JAM3: variants seen among roughly 807,000 people sequenced by gnomAD.
The protein encoded by JAM3 is junctional adhesion molecule C.
JAM3 carries 31 observed loss-of-function variants against 39.4 expected under a neutral mutation model. That is an observed-to-expected ratio of 0.79 (90% confidence interval 0.59 to 1.06). The LOEUF (loss-of-function observed/expected upper bound fraction) is 1.06, where lower values mean the gene tolerates loss of function less well. JAM3 is among the 50% of genes least tolerant of loss of function. The probability of loss-of-function intolerance (pLI) is 0.00; values close to 1 mark genes in which losing one functional copy is unlikely to be tolerated. For synonymous variants in JAM3, 182 were observed against 148.7 expected, an observed-to-expected ratio of 1.22 and a Z score of -1.63; for missense variants, 455 against 391.4, an observed-to-expected ratio of 1.16 and a Z score of -1.37.
intron 1 of JAM3, among the ~76,000 whole-genome samples, chr11:134,082,071 A>T (rs905281942): frequency 1.3e-5 from 2 of 151,266 alleles, no homozygotes; most frequent in East Asian, 3.9e-4. Flanking sequence ...ATTTCTCCCA[A>T]TCATTTTGGA....
chr11:134,095,421 G>T (rs1474490467), intron 1 of JAM3, among the ~76,000 whole-genome samples: 1 of 151,816 alleles, frequency 6.6e-6, no homozygotes, highest in Non-Finnish European at 1.5e-5. Context: ...CACGAGGTCA[G>T]GAGATCGAGA....
intron 3 of JAM3, among the ~76,000 whole-genome samples, chr11:134,143,041 ATGC>A (rs1943004537): frequency 6.6e-6 from 1 of 152,150 alleles, no homozygotes; most frequent in South Asian, 2.1e-4. Flanking sequence ...ATTATCAGTA[ATGC>A]TGCTATCAGT....
chr11:134,128,133 G>A (rs943633155), intron 1 of JAM3, among the ~76,000 whole-genome samples: 1 of 152,182 alleles, frequency 6.6e-6, no homozygotes, highest in African/African-American at 2.4e-5. Flanking sequence ...GCCTTGGCCT[G>A]AAACTGAGCT....
chr11:134,110,276 T>A lies in JAM3; in HGVS notation c.77-29575T>A, dbSNP rs543425605. On this transcript the variant is annotated intron_variant, in intron 1 of 8. Coordinates refer to ENST00000299106, the MANE Select transcript of JAM3 (RefSeq NM_032801.5). Reference sequence around the variant, plus strand: ...GTGATTAAAAATGAAAAGATAGACCTATTATTTGATTCAGTTATTATACTC... The same window carrying A: ...GTGATTAAAAATGAAAAGATAGACCAATTATTTGATTCAGTTATTATACTC... 3.3e-5 allele frequency among the ~76,000 whole-genome samples: 5 copies of A among 152,320 alleles called. No homozygotes were observed. The East Asian group carries it at 9.6e-4, about 29-fold the overall frequency.
chr11:134,146,798 C>A (rs1021542098), intron 6 of JAM3, among the ~76,000 whole-genome samples: 1 of 152,176 alleles, frequency 6.6e-6, no homozygotes, highest in Admixed American at 6.5e-5. Flanking sequence ...CTCCTGGCCT[C>A]AAGCAATCCT....
chr11:134,140,079 G>A (rs560712034), intron 2 of JAM3, among the ~76,000 whole-genome samples, 163 bp downstream of exon 2: 4 of 152,354 alleles, frequency 2.6e-5, no homozygotes, highest in African/African-American at 4.8e-5. Flanking sequence ...TCAGCAGGCC[G>A]GCAGTGAGCC....
chr11:134,126,232 A>C (rs1942646375), intron 1 of JAM3: 1 of 152,202 alleles, frequency 6.6e-6, no homozygotes, highest in South Asian at 2.1e-4. Context: ...TAAAACTTAG[A>C]AATTGATCCC....
intron 5 of JAM3, 165 bp downstream of exon 5, chr11:134,145,159 A>T: frequency 2.9e-6 from 2 of 680,358 alleles, no homozygotes; most frequent in Non-Finnish European, 5.3e-6. Context: ...TCTTCCTTTT[A>T]TAAACAAGTA....
At chr11:134,141,362 T>C (rs1261359262) in intron 3 of JAM3, among the ~76,000 whole-genome samples, 2 of 151,900 alleles carry the variant, frequency 1.3e-5, no homozygotes, top group Non-Finnish European at 2.9e-5. Context: ...GAATGCTGTG[T>C]ATGAAGACGC....
chr11:134,122,339 C>G (rs775973582), intron 1 of JAM3, among the ~76,000 whole-genome samples: 1 of 152,178 alleles, frequency 6.6e-6, no homozygotes, highest in South Asian at 2.1e-4. Flanking sequence ...CAGGGCACTA[C>G]TGAGAATGTA....
At position 134,148,655 on chromosome 11, in the gene JAM3, A is replaced by G; in HGVS notation, c.821A>G (p.Asn274Ser). The G allele has an allele frequency of 6.2e-7, 1 of 1,614,184 alleles. No homozygotes were observed. The highest frequency in any genetic ancestry group is 2.2e-5 in the East Asian group (1 of 44,874). The part of the protein sequence containing the change: ...CCAYRRGYFI[N>S]NKQDGESYKN... Reference sequence around the variant, plus strand: ...GCATACAGACGTGGCTACTTCATCAACAATAAACAGGATGGAGAAAGGTGA... The same window carrying G: ...GCATACAGACGTGGCTACTTCATCAGCAATAAACAGGATGGAGAAAGGTGA... The change falls in exon 7 of 9, where the codon AAC (asparagine) becomes AGC (serine). Residue 274 changes from asparagine to serine, a missense_variant. Coordinates refer to ENST00000299106, the MANE Select transcript of JAM3 (RefSeq NM_032801.5).
chr11:134,105,361 A>G (rs1472065182), intron 1 of JAM3, among the ~76,000 whole-genome samples: 2 of 152,208 alleles, frequency 1.3e-5, no homozygotes, highest in Admixed American at 1.3e-4. Context: ...TCTCAAAATA[A>G]TAAGAGTTAT....
intron 1 of JAM3, among the ~76,000 whole-genome samples, chr11:134,113,521 CTCA>C (rs1406610962): frequency 3.3e-5 from 5 of 152,152 alleles, no homozygotes; most frequent in Admixed American, 2.6e-4. Context: ...AGGACATGAA[CTCA>C]TCATCTTTTA....
chr11:134,145,909 A>G (rs1271557930), intron 5 of JAM3, 37 bp from the exon 6 acceptor site: 10 of 1,438,308 alleles, frequency 7.0e-6, no homozygotes, highest in Admixed American at 1.7e-5. Context: ...CGGCCCCATG[A>G]TGGGTCCGAT....
chr11:134,151,436 T>G lies in JAM3; in HGVS notation c.*2255T>G, dbSNP rs1006072814. ...GCTCCAGCCTCCTTCTTGGTTGTCATAGTGATAGGGTAGCCTTATTGCCCC... is the reference window on the plus strand; with the variant it reads ...GCTCCAGCCTCCTTCTTGGTTGTCAGAGTGATAGGGTAGCCTTATTGCCCC... On this transcript the variant is annotated 3_prime_UTR_variant, in exon 9 of 9. Transcript: ENST00000299106. 1.3e-5 allele frequency: 2 copies of G among 152,192 alleles called. No homozygotes were observed. The highest frequency in any genetic ancestry group is 4.1e-4 in the South Asian group (2 of 4,830). The allele number at this position is 152,192 out of a possible 1,614,324, so 9.4% of individuals were successfully genotyped here.
intron 1 of JAM3, among the ~76,000 whole-genome samples, chr11:134,101,830 G>A (rs1263019921): frequency 2.0e-5 from 3 of 152,124 alleles, no homozygotes; most frequent in Admixed American, 2.0e-4. Flanking sequence ...ATTTTGGGGG[G>A]CTGAGGTGAG....
At chr11:134,085,442 A>G (rs2120610438) in intron 1 of JAM3, among the ~76,000 whole-genome samples, 1 of 152,366 alleles carries the variant, frequency 6.6e-6, no homozygotes, top group Admixed American at 6.5e-5. Context: ...AGACTAAGGA[A>G]TTAATAAACA....
intron 4 of JAM3, 31 bp from the exon 5 acceptor site, chr11:134,144,761 G>T (rs1392669006): frequency 2.6e-6 from 4 of 1,559,072 alleles, no homozygotes; most frequent in Non-Finnish European, 3.5e-6. Context: ...CTGTCACTGA[G>T]ATCTTAAACA....
At chr11:134,140,196 C>T (rs1942948882) in intron 2 of JAM3, among the ~76,000 whole-genome samples, 1 of 152,118 alleles carries the variant, frequency 6.6e-6, no homozygotes, top group Non-Finnish European at 1.5e-5. Flanking sequence ...TCCTGTTGCC[C>T]AGGCTGGAGT....
Sources: gnomAD v4.1 joint callset for allele counts (sites outside exome capture counted in the v4.1 genomes callset) on GRCh38, gnomAD v4.1.1 for gene constraint, MANE v1.5 for transcripts, NCBI Gene and HGNC (gene_info 2026-07-23, HGNC 2026-07-21) for gene names.